ELAVL4: variants seen among roughly 807,000 people sequenced by gnomAD.
The protein encoded by ELAVL4 is ELAV-like protein 4.
ELAVL4 carries 1 observed loss-of-function variant against 35.6 expected under a neutral mutation model. That is an observed-to-expected ratio of 0.03 (90% confidence interval 0.01 to 0.13). ELAVL4 has a LOEUF of 0.13. Ranked by LOEUF, ELAVL4 falls within the 10% of genes least tolerant of loss-of-function variation. The probability of loss-of-function intolerance (pLI) is 1.00; values close to 1 mark genes in which losing one functional copy is unlikely to be tolerated. For missense variants in ELAVL4, 267 were observed against 464.9 expected (o/e 0.57, Z 3.91); for synonymous variants, 156 against 171.0 (o/e 0.91, Z 0.69).
chr1:50,178,937 G>A (rs1188091091), intron 3 of ELAVL4, among the ~76,000 whole-genome samples: 2 of 151,030 alleles, frequency 1.3e-5, no homozygotes, highest in African/African-American at 4.9e-5. Context: ...CAGGGGCTTA[G>A]GATCAAATAA....
intron 1 of ELAVL4, chr1:50,115,389 A>C (rs1251148485): frequency 1.3e-5 from 2 of 152,018 alleles, no homozygotes; most frequent in Non-Finnish European, 2.9e-5. Flanking sequence ...TCTTATTTTT[A>C]ACCCCAAAAG....
chr1:50,177,291 T>C (rs1051138012), intron 3 of ELAVL4, 99 bp downstream of exon 3: 1 of 885,806 alleles, frequency 1.1e-6, no homozygotes, highest in Admixed American at 2.0e-5. Context: ...GGAAGCAGTG[T>C]TCTTGATTTA....
intron 2 of ELAVL4, chr1:50,174,706 C>A (rs1162078042): frequency 1.3e-5 from 2 of 151,946 alleles, no homozygotes; most frequent in Non-Finnish European, 2.9e-5. Flanking sequence ...CTTCCTAGGA[C>A]TTGAATGTAT....
At chr1:50,058,364 G>A (rs915448988) in intron 1 of ELAVL4, among the ~76,000 whole-genome samples, 2 of 152,140 alleles carry the variant, frequency 1.3e-5, no homozygotes, top group African/African-American at 4.8e-5. Context: ...GTAAGGACAG[G>A]ATAGGATATA....
intron 3 of ELAVL4, 22 bp downstream of exon 3, chr1:50,177,214 C>G (rs747864212): frequency 6.3e-7 from 1 of 1,576,756 alleles, no homozygotes; most frequent in South Asian, 1.1e-5. Context: ...TGTGCTGGCT[C>G]CTGATTCAGG....
At chr1:50,147,727 A>C (rs1673981858) in intron 2 of ELAVL4, among the ~76,000 whole-genome samples, 1 of 151,948 alleles carries the variant, frequency 6.6e-6, no homozygotes, top group Non-Finnish European at 1.5e-5. Context: ...TACAGATCTC[A>C]ATGCATCTCG....
chr1:50,104,022 G>A, upstream of ELAVL4: 1 of 1,613,862 alleles, frequency 6.2e-7, no homozygotes. Flanking sequence ...CACATCACTG[G>A]ATAGCCTGGC....
At chr1:50,183,342 C>T (rs2148850292) in intron 3 of ELAVL4, among the ~76,000 whole-genome samples, 1 of 152,196 alleles carries the variant, frequency 6.6e-6, no homozygotes, top group East Asian at 1.9e-4. Flanking sequence ...AAAAGAGCTG[C>T]TCCTGCCACT....
chr1:50,122,482 A>G (rs182068369), intron 1 of ELAVL4, among the ~76,000 whole-genome samples: 1 of 152,250 alleles, frequency 6.6e-6, no homozygotes, highest in East Asian at 1.9e-4. Flanking sequence ...GAACCTTTGT[A>G]CTAAAGAAAC....
intron 1 of ELAVL4, among the ~76,000 whole-genome samples, chr1:50,114,738 T>G (rs1166249918): frequency 6.6e-6 from 1 of 152,120 alleles, no homozygotes; most frequent in Non-Finnish European, 1.5e-5. Flanking sequence ...CAGTTTGGGA[T>G]GCTAGCTGGG....
chr1:50,073,601 A>G (rs1004670663), intron 1 of ELAVL4, among the ~76,000 whole-genome samples: 2 of 152,160 alleles, frequency 1.3e-5, no homozygotes, highest in Admixed American at 6.5e-5. Flanking sequence ...TGAAAAATGA[A>G]TTAAGAAAAA....
rs1314720998 is a variant in ELAVL4, at chr1:50,133,631, GAAAGAAAGAAAGA to G, written c.10-11323_10-11311del. Among the ~76,000 whole-genome samples, 6 of 148,766 alleles carry G rather than the reference GAAAGAAAGAAAGA, an allele frequency of 4.0e-5. No homozygotes were observed. The East Asian group carries it at 9.9e-4, about 24-fold the overall frequency. ...AGAAAGAAAGAAAGAAAGAAAGAAA[GAAAGAAAGAAAGA>G]AAGAAAGAGAAAGAAAGAAAGAAAG... is the stretch of plus-strand genomic sequence containing the variant. On this transcript the variant is annotated intron_variant, in intron 1 of 6. Coordinates refer to ENST00000371824, the MANE Select transcript of ELAVL4 (RefSeq NM_001144774.3).
chr1:50,122,879 G>A (rs1347732587), intron 1 of ELAVL4, among the ~76,000 whole-genome samples: 1 of 151,996 alleles, frequency 6.6e-6, no homozygotes, highest in African/African-American at 2.4e-5. Context: ...ATTTTTAAAA[G>A]GATTAATACC....
At chr1:50,174,106 C>G (rs1477219485) in intron 2 of ELAVL4, among the ~76,000 whole-genome samples, 1 of 152,204 alleles carries the variant, frequency 6.6e-6, no homozygotes, top group Admixed American at 6.5e-5. Context: ...TTTACTCTCC[C>G]TTACTACTGA....
At chr1:50,087,263 A>G (rs940870153) in intron 1 of ELAVL4, among the ~76,000 whole-genome samples, 1 of 152,196 alleles carries the variant, frequency 6.6e-6, no homozygotes, top group Non-Finnish European at 1.5e-5. Context: ...AACCAATATA[A>G]TGAGGAAGCA....
In ELAVL4 at chr1:50,109,016, C is replaced by CGGGGGGGGGGGGGGGGGGGGGG; in HGVS notation, c.-174_-173insGGGGGGGGGGGGGGGGGGGGGG. ...CTCCTTTTCTTTTTTTTCTTTCTCTCCCCCGCCCACCCCCCCAAAAATAAT... is the reference window on the plus strand; with the variant it reads ...CTCCTTTTCTTTTTTTTCTTTCTCTCGGGGGGGGGGGGGGGGGGGGGGCCCCGCCCACCCCCCCAAAAATAAT... On this transcript the variant is annotated 5_prime_UTR_variant, in exon 1 of 7. Transcript: ENST00000371824. 1 of 905,788 alleles carries CGGGGGGGGGGGGGGGGGGGGGG rather than the reference C, an allele frequency of 1.1e-6. No individual in the cohort carries two copies. The highest frequency in any genetic ancestry group is 1.3e-6 in the Non-Finnish European group (1 of 761,404). The allele number at this position is 905,788 out of a possible 1,614,324, so 56.1% of individuals were successfully genotyped here. A position where few individuals can be genotyped will look rare whatever the true frequency, so the allele number is the denominator to read the frequency against.
intron 3 of ELAVL4, among the ~76,000 whole-genome samples, chr1:50,183,121 G>A (rs1359241587): frequency 6.6e-6 from 1 of 152,088 alleles, no homozygotes; most frequent in East Asian, 1.9e-4. Context: ...GCCTCCCAAA[G>A]TGCTGGGATT....
chr1:50,153,671 G>A (rs1267011666), intron 2 of ELAVL4, among the ~76,000 whole-genome samples: 3 of 152,218 alleles, frequency 2.0e-5, no homozygotes, highest in Admixed American at 6.5e-5. Context: ...GCAGCTGAGC[G>A]AAGCTTCAGA....
chr1:50,126,911 A>G (rs1432229083), intron 1 of ELAVL4, among the ~76,000 whole-genome samples: 6 of 152,138 alleles, frequency 3.9e-5, no homozygotes, highest in South Asian at 2.1e-4. Flanking sequence ...TTTTCCTCTT[A>G]TGGTTAGTGA....
Sources: gnomAD v4.1 joint callset for allele counts (sites outside exome capture counted in the v4.1 genomes callset) on GRCh38, gnomAD v4.1.1 for gene constraint, MANE v1.5 for transcripts, NCBI Gene and HGNC (gene_info 2026-07-23, HGNC 2026-07-21) for gene names.